The following NRXN2 variants were observed in gnomAD, a reference collection of about 807,000 sequenced individuals.
NRXN2 encodes neurexin 2, also known as neurexin-2-beta.
Under a neutral mutation model 128.8 loss-of-function variants are expected in NRXN2, and 29 were observed. The observed-to-expected ratio is 0.23, with a 90% confidence interval of 0.17 to 0.31. The LOEUF (loss-of-function observed/expected upper bound fraction) is 0.31, where lower values mean the gene tolerates loss of function less well. NRXN2 is among the 10% of genes least tolerant of loss of function. The pLI is 1.00. For missense variants in NRXN2, 1,881 were observed against 2,452.6 expected (o/e 0.77, Z 4.92); for synonymous variants, 1,098 against 1,075.2 (o/e 1.02, Z -0.41).
At chr11:64,702,352 A>C (rs979558152) in intron 2 of NRXN2, among the ~76,000 whole-genome samples, 2 of 152,152 alleles carry the variant, frequency 1.3e-5, no homozygotes, top group African/African-American at 4.8e-5. Flanking sequence ...GTTTTGTAGA[A>C]TAGAAAGGGG....
intron 15 of NRXN2, among the ~76,000 whole-genome samples, chr11:64,649,792 T>C (rs2047206825): frequency 6.6e-6 from 1 of 152,154 alleles, no homozygotes; most frequent in Non-Finnish European, 1.5e-5. Context: ...GTAGATCACA[T>C]TGCCCTCAGT....
At chr11:64,712,836 C>G (rs2666560) in intron 2 of NRXN2, 134 bp downstream of exon 2, 13 of 824,372 alleles carry the variant, frequency 1.6e-5, no homozygotes, top group Admixed American at 4.4e-5. Context: ...AGCCCTGGAG[C>G]GCTCGCACCC....
At chr11:64,703,333 G>A (rs1024083366) in intron 2 of NRXN2, among the ~76,000 whole-genome samples, 7 of 151,968 alleles carry the variant, frequency 4.6e-5, no homozygotes, top group South Asian at 2.1e-4. Context: ...GGCTCTTTAC[G>A]CCCATTGTTC....
intron 6 of NRXN2, among the ~76,000 whole-genome samples, chr11:64,682,885 G>C (rs1207705401): frequency 6.6e-6 from 1 of 152,166 alleles, no homozygotes; most frequent in African/African-American, 2.4e-5. Context: ...AGGAGACACT[G>C]TCTCATCAGG....
At chr11:64,696,532 C>T (rs1448855544) in intron 3 of NRXN2, among the ~76,000 whole-genome samples, 1 of 131,976 alleles carries the variant, frequency 7.6e-6, no homozygotes, top group African/African-American at 4.1e-5. Context: ...CATACATACA[C>T]ACACACACAC....
chr11:64,652,140 T>C lies in NRXN2; in HGVS notation c.2431A>G (p.Thr811Ala). The part of the protein sequence containing the change: ...VGCAPSKGPE[T>A]LFAGHKLNDN... ...TTGAGCTTGTGCCCCGCAAACAGCG[T>C]TTCGGGGCCTTTACCTGCGGCACCA... is the stretch of plus-strand genomic sequence containing the variant. Residue 811 changes from threonine to alanine, a missense_variant, in exon 13 of 23, where the codon ACG becomes GCG. By Grantham distance (58) the Thr-to-Ala change is moderately conservative. Around this residue, in one of 7 missense-constraint regions of NRXN2, gnomAD observed 997 missense variants for 1,240.8 expected, o/e 0.80. Transcript: ENST00000265459. 1 of 1,612,556 alleles carries C rather than the reference T, an allele frequency of 6.2e-7. No individual in the cohort carries two copies. Among genetic ancestry groups the C allele is most frequent in the Non-Finnish European group, 8.5e-7 (1 of 1,179,900 alleles).
chr11:64,613,911 A>G (rs1208138586), intron 22 of NRXN2, among the ~76,000 whole-genome samples: 3 of 152,088 alleles, frequency 2.0e-5, no homozygotes, highest in African/African-American at 7.2e-5. Context: ...CCTGGAGGGT[A>G]GGCACTGCCT....
At position 64,649,009 on chromosome 11, in the gene NRXN2, C is replaced by T. The variant is rs565870297; in HGVS notation, c.3110-102G>A. 2.7e-4 allele frequency: 330 copies of T among 1,216,134 alleles called. 3 individuals carry two copies. The South Asian group carries it at 3.7e-3, about 14-fold the overall frequency. 75.3% of individuals were successfully genotyped at this position (1,216,134 alleles called of 1,614,324 possible). A position where few individuals can be genotyped will look rare whatever the true frequency, so the allele number is the denominator to read the frequency against. ...CCTCCCAGCCTTCTCAGGTTCTCTG[C>T]GTTCCATCCCAGATTCCAGGTCCCT... On this transcript the variant is annotated intron_variant, in intron 15 of 22. Coordinates refer to ENST00000265459, the MANE Select transcript of NRXN2 (RefSeq NM_015080.4).
intron 9 of NRXN2, among the ~76,000 whole-genome samples, chr11:64,661,717 G>A (rs1022333532): frequency 6.6e-6 from 1 of 152,138 alleles, no homozygotes; most frequent in African/African-American, 2.4e-5. Flanking sequence ...TTTTGAAATG[G>A]TAGACGAGGC....
intron 7 of NRXN2, among the ~76,000 whole-genome samples, chr11:64,672,656 T>C (rs1003269754): frequency 2.0e-5 from 3 of 152,080 alleles, no homozygotes; most frequent in African/African-American, 7.2e-5. Context: ...GCAACTAGTC[T>C]AGGGGAAAGG....
At chr11:64,644,921 A>G (rs1383050488) in intron 17 of NRXN2, among the ~76,000 whole-genome samples, 1 of 152,130 alleles carries the variant, frequency 6.6e-6, no homozygotes, top group African/African-American at 2.4e-5. Flanking sequence ...CAGCTCCAGG[A>G]TGCAGTCAGG....
intron 5 of NRXN2, among the ~76,000 whole-genome samples, chr11:64,690,089 G>A (rs1338912393): frequency 6.6e-6 from 1 of 152,206 alleles, no homozygotes; most frequent in East Asian, 1.9e-4. Flanking sequence ...CGTGCTGCCT[G>A]GTTGCCTTAA....
intron 20 of NRXN2, among the ~76,000 whole-genome samples, chr11:64,624,859 C>T (rs980003283): frequency 2.0e-5 from 3 of 152,142 alleles, no homozygotes; most frequent in Admixed American, 6.5e-5. Context: ...CATAGTCAGG[C>T]GCTAACAATA....
intron 22 of NRXN2, among the ~76,000 whole-genome samples, chr11:64,617,779 C>T (rs1019328107): frequency 6.6e-6 from 1 of 152,164 alleles, no homozygotes; most frequent in Admixed American, 6.5e-5. Context: ...GACTGGGAGA[C>T]CCTGGAGTCA....
intron 5 of NRXN2, among the ~76,000 whole-genome samples, chr11:64,687,338 T>C (rs1311514671): frequency 6.6e-6 from 1 of 152,062 alleles, no homozygotes; most frequent in Admixed American, 6.5e-5. Flanking sequence ...GGAGTGCAGA[T>C]TCTGCAGATC....
chr11:64,707,209 G>A (rs2056426131), intron 2 of NRXN2, among the ~76,000 whole-genome samples: 2 of 152,006 alleles, frequency 1.3e-5, no homozygotes, highest in South Asian at 4.1e-4. Context: ...TGGCTAACAT[G>A]GTGAAACCCC....
At chr11:64,649,074 A>G (rs916630694) in intron 15 of NRXN2, among the ~76,000 whole-genome samples, 167 bp from the exon 16 acceptor site, 1 of 151,868 alleles carries the variant, frequency 6.6e-6, no homozygotes, top group African/African-American at 2.4e-5. Context: ...CACCCCCCCA[A>G]CACACTTCTT....
intron 2 of NRXN2, among the ~76,000 whole-genome samples, chr11:64,704,479 G>A (rs940411802): frequency 4.0e-5 from 6 of 151,104 alleles, no homozygotes; most frequent in Admixed American, 2.6e-4. Flanking sequence ...CTACAAAAAC[G>A]AAAAAAAAGA....
chr11:64,629,759 G>A (rs914782779), intron 19 of NRXN2, among the ~76,000 whole-genome samples: 1 of 152,148 alleles, frequency 6.6e-6, no homozygotes, highest in Non-Finnish European at 1.5e-5. Flanking sequence ...GTTATTGAAC[G>A]CACATGACCC....
Sources: allele counts gnomAD v4.1 joint callset (sites outside exome capture counted in the v4.1 genomes callset), GRCh38; gene constraint gnomAD v4.1.1; regional missense constraint gnomAD v4.1.1; transcripts MANE v1.5; gene names NCBI Gene and HGNC (gene_info 2026-07-23, HGNC 2026-07-21).